The following TC2N variants were observed in gnomAD, a reference collection of about 807,000 sequenced individuals.
TC2N encodes the protein tandem C2 domains nuclear protein.
In TC2N, 51 loss-of-function variants were observed where a neutral mutation model predicts 61.9. The ratio of observed to expected loss-of-function variants is 0.82; its 90% CI spans 0.66 to 1.04. The LOEUF (loss-of-function observed/expected upper bound fraction) is 1.04. Among genes scored for constraint, TC2N ranks in the 50% least tolerant of loss-of-function variants. The pLI is 0.00. For missense variants in TC2N, 556 were observed against 566.7 expected (o/e 0.98, Z 0.19); for synonymous variants, 204 against 192.6 (o/e 1.06, Z -0.49).
intron 1 of TC2N, among the ~76,000 whole-genome samples, chr14:91,825,070 C>T (rs1460260141): frequency 4.6e-5 from 5 of 109,260 alleles, no homozygotes; most frequent in African/African-American, 7.2e-5. Flanking sequence ...GAGTCTCGCT[C>T]TGTCATCCAG....
At chr14:91,794,070 G>A (rs1249533571) in intron 8 of TC2N, among the ~76,000 whole-genome samples, 1 of 152,160 alleles carries the variant, frequency 6.6e-6, no homozygotes, top group Non-Finnish European at 1.5e-5. Context: ...TGTCTGGAGA[G>A]AAAATCAAAT....
intron 1 of TC2N, among the ~76,000 whole-genome samples, chr14:91,862,671 C>T (rs1888616915): frequency 6.6e-6 from 1 of 152,254 alleles, no homozygotes; most frequent in South Asian, 2.1e-4. Context: ...CTCCCTGCGG[C>T]CTGCCCCATC....
rs147433751 is a variant in TC2N at position 91,812,491 on chromosome 14, A to G, written c.122T>C (p.Ile41Thr). ...AACAGAAGTCAATGGAGGTACAGAG[A>G]TAGTAGCATTTTGACTATTTGGGAC... ...AAVPNSQNAT[I>T]SVPPLTSVSV... is the part of the protein sequence containing the mutation. The change falls in exon 3 of 12, where the codon ATC (isoleucine) becomes ACC (threonine). Residue 41 changes from isoleucine (I) to threonine (T), a missense_variant. Physicochemically the swap from Ile to Thr is moderately conservative, Grantham distance 89. Coordinates refer to ENST00000435962, the MANE Select transcript of TC2N (RefSeq NM_001128596.3). 8.8e-5 allele frequency: 142 copies of G among 1,609,928 alleles called. No individual in the cohort carries two copies. The highest frequency in any genetic ancestry group is 1.2e-4 in the Non-Finnish European group (137 of 1,177,232).
chr14:91,812,480 G>A lies in TC2N; in HGVS notation c.133C>T (p.Pro45Ser). 3 of 1,611,976 alleles carry A rather than the reference G, an allele frequency of 1.9e-6. No individual in the cohort carries two copies. The highest frequency in any genetic ancestry group is 2.5e-6 in the Non-Finnish European group (3 of 1,178,588). ...NSQNATISVP[P>S]LTSVSVKPQL... is the part of the protein sequence containing the mutation. Reference sequence around the variant, plus strand: ...GGCTTTACAGAAACAGAAGTCAATGGAGGTACAGAGATAGTAGCATTTTGA... The same window carrying A: ...GGCTTTACAGAAACAGAAGTCAATGAAGGTACAGAGATAGTAGCATTTTGA... Residue 45 changes from proline (P) to serine (S), a missense_variant, in exon 3 of 12, where the codon CCA becomes TCA. Transcript: ENST00000435962.
At chr14:91,820,387 CAATA>C (rs140668225) in intron 1 of TC2N, among the ~76,000 whole-genome samples, 2,286 of 151,878 alleles carry the variant, frequency 0.015, 51 homozygotes, top group African/African-American at 0.05. Context: ...AGGATAATCT[CAATA>C]GATACAAAAA....
chr14:91,789,362 C>T (rs1249498285), intron 9 of TC2N, among the ~76,000 whole-genome samples: 4 of 151,112 alleles, frequency 2.6e-5, no homozygotes, highest in African/African-American at 9.8e-5. Flanking sequence ...TTTGGGAGGC[C>T]GAGGCAGGCG....
At chr14:91,858,152 C>CTTCTTTTTTTTTTTT (rs1555373188) in intron 1 of TC2N, among the ~76,000 whole-genome samples, 1 of 92,332 alleles carries the variant, frequency 1.1e-5, no homozygotes, top group Non-Finnish European at 2.1e-5. Context: ...TCTTCTTCTT[C>CTTCTTTTTTTTTTTT]TTTTTTTTTT....
intron 1 of TC2N, among the ~76,000 whole-genome samples, chr14:91,818,944 T>A (rs1887125639): frequency 6.6e-6 from 1 of 151,770 alleles, no homozygotes; most frequent in Non-Finnish European, 1.5e-5. Context: ...AGACTGGGGA[T>A]AGGGGGGAGG....
chr14:91,805,342 T>C (rs1266980288), intron 3 of TC2N, among the ~76,000 whole-genome samples: 1 of 152,198 alleles, frequency 6.6e-6, no homozygotes, highest in Non-Finnish European at 1.5e-5. Flanking sequence ...TTAAGCCAAG[T>C]ATTATTACAA....
At position 91,847,621 on chromosome 14, in the gene TC2N, T is replaced by G. The variant is rs559301614; in HGVS notation, c.-57+19641A>C. Among the ~76,000 whole-genome samples, 5 of 152,354 alleles carry G rather than the reference T, an allele frequency of 3.3e-5. No homozygotes were observed. In the East Asian group the frequency reaches 9.6e-4, roughly 29 times the overall value. ...GAGCCAGCATTGACTTTCCAGTTTG[T>G]GAGGGAGCCGTCTTGGAAGTGGATC... On this transcript the variant is annotated intron_variant, in intron 1 of 11. Transcript: ENST00000435962.
chr14:91,848,163 G>A (rs1888304870), intron 1 of TC2N, among the ~76,000 whole-genome samples: 1 of 152,184 alleles, frequency 6.6e-6, no homozygotes, highest in Non-Finnish European at 1.5e-5. Context: ...GACTAATCAG[G>A]CCTATCCCTT....
chr14:91,859,630 A>T (rs1028960483), intron 1 of TC2N, among the ~76,000 whole-genome samples: 1 of 152,152 alleles, frequency 6.6e-6, no homozygotes, highest in Non-Finnish European at 1.5e-5. Context: ...CCAGGTGGAA[A>T]CTACACCACA....
chr14:91,798,502 A>G, intron 6 of TC2N, 103 bp from the exon 7 acceptor site: 1 of 680,618 alleles, frequency 1.5e-6, no homozygotes, highest in Non-Finnish European at 2.6e-6. Flanking sequence ...TTAAAATGCT[A>G]CAATTATTTT....
chr14:91,788,607 C>G (rs1034725697), intron 9 of TC2N, among the ~76,000 whole-genome samples: 2 of 151,736 alleles, frequency 1.3e-5, no homozygotes, highest in African/African-American at 4.9e-5. Context: ...TCCCCAATAA[C>G]TGGCTCATAG....
At chr14:91,785,472 T>C (rs1429745668) in intron 10 of TC2N, 111 bp from the exon 11 acceptor site, 1 of 722,138 alleles carries the variant, frequency 1.4e-6, no homozygotes. Flanking sequence ...TTGTAAAAAA[T>C]ATAGATAAGT....
At chr14:91,823,353 T>C (rs765370626) in intron 1 of TC2N, among the ~76,000 whole-genome samples, 1 of 151,620 alleles carries the variant, frequency 6.6e-6, no homozygotes, top group African/African-American at 2.4e-5. Context: ...AAACCCCATC[T>C]CTACTAAAAA....
Position 91,792,363 on chromosome 14 carries a change from T to C in TC2N, c.1047+4A>G. On this transcript the variant is annotated splice_donor_region_variant and intron_variant, in intron 9 of 11. Coordinates refer to ENST00000435962, the MANE Select transcript of TC2N (RefSeq NM_001128596.3). Reference sequence around the variant, plus strand: ...AATACTCTTAACATACTATTATCGCTTACAGAAATTTTTGAAGGTGGTGTT... The same window carrying C: ...AATACTCTTAACATACTATTATCGCCTACAGAAATTTTTGAAGGTGGTGTT... 6.3e-7 allele frequency: 1 copy of C among 1,582,164 alleles called. No homozygotes were observed. Among genetic ancestry groups the C allele is most frequent in the Non-Finnish European group, 8.6e-7 (1 of 1,162,102 alleles).
chr14:91,856,198 A>T (rs1173990767), intron 1 of TC2N, among the ~76,000 whole-genome samples: 1 of 152,142 alleles, frequency 6.6e-6, no homozygotes, highest in African/African-American at 2.4e-5. Context: ...TATTCAAGAT[A>T]CTTTTAAGGG....
chr14:91,780,409 ATCCCACTAGTT>A lies in TC2N; in HGVS notation c.*2680_*2690del, dbSNP rs1885038974. 1 of 152,222 alleles carries A rather than the reference ATCCCACTAGTT, an allele frequency of 6.6e-6. No homozygotes were observed. Among genetic ancestry groups the A allele is most frequent in the Admixed American group, 6.5e-5 (1 of 15,278 alleles). The allele number at this position is 152,222 out of a possible 1,614,324, so 9.4% of individuals were successfully genotyped here. ...ACCACAATTATATAACTTGTTCAAA[ATCCCACTAGTT>A]TCTTCTTAACAGTCTTGGTAAGAGA... On this transcript the variant is annotated 3_prime_UTR_variant, in exon 12 of 12. Transcript: ENST00000435962.
Sources: allele counts gnomAD v4.1 joint callset (sites outside exome capture counted in the v4.1 genomes callset), GRCh38; gene constraint gnomAD v4.1.1; transcripts MANE v1.5; gene names NCBI Gene and HGNC (gene_info 2026-07-23, HGNC 2026-07-21).